MMP26: variants seen among roughly 807,000 people sequenced by gnomAD.
MMP26 encodes the protein matrix metallopeptidase 26.
MMP26 carries 33 observed loss-of-function variants against 31.0 expected under a neutral mutation model. The observed-to-expected ratio is 1.06, with a 90% confidence interval of 0.81 to 1.42. The LOEUF (loss-of-function observed/expected upper bound fraction) is 1.42. Ranked by LOEUF, MMP26 falls within the 40% of genes most tolerant of loss-of-function variation. The pLI is 0.00. For synonymous variants in MMP26, 122 were observed against 114.9 expected (o/e 1.06, Z -0.40); for missense variants, 347 against 316.1 (o/e 1.10, Z -0.74).
At chr11:4,907,542 C>T (rs1490988871) in intron 2 of MMP26, 2 of 1,613,960 alleles carry the variant, frequency 1.2e-6, no homozygotes, top group South Asian at 2.2e-5. Flanking sequence ...CTTCATGAGC[C>T]CATGTATTAT....
intron 2 of MMP26, among the ~76,000 whole-genome samples, chr11:4,939,655 A>T (rs1846181083): frequency 6.6e-6 from 1 of 152,160 alleles, no homozygotes; most frequent in Admixed American, 6.6e-5. Context: ...CTTGGCTCCA[A>T]GGAAAGTATA....
chr11:4,789,360 T>TG (rs560822229), intron 2 of MMP26, among the ~76,000 whole-genome samples: 19 of 152,154 alleles, frequency 1.2e-4, no homozygotes, highest in Middle Eastern at 3.4e-3. Flanking sequence ...AAAGTGATTT[T>TG]GGGGTCTCTG....
At chr11:4,836,144 A>G (rs1040087484) in intron 2 of MMP26, among the ~76,000 whole-genome samples, 16 of 152,086 alleles carry the variant, frequency 1.1e-4, no homozygotes, top group Admixed American at 4.6e-4. Context: ...CTAGAAATCC[A>G]AAGCTTTCGT....
At chr11:4,796,378 A>G (rs930121860) in intron 2 of MMP26, among the ~76,000 whole-genome samples, 1 of 152,210 alleles carries the variant, frequency 6.6e-6, no homozygotes, top group Non-Finnish European at 1.5e-5. Flanking sequence ...CCTGTTCATG[A>G]AGTCAATATA....
At chr11:4,772,406 C>G (rs887290409) in intron 2 of MMP26, among the ~76,000 whole-genome samples, 2 of 138,514 alleles carry the variant, frequency 1.4e-5, no homozygotes, top group Non-Finnish European at 3.3e-5. Context: ...AGAGGGAAAA[C>G]TTTACACCCA....
rs755688723 is a variant in MMP26 at position 4,724,188 on chromosome 11, G to A, written c.-217+19143G>A. Reference sequence around the variant, plus strand: ...TGATGGACATGGTAGAGGCAGGAGTGGAGGCAGGCGATGGGCCTGTGAACC... The same window carrying A: ...TGATGGACATGGTAGAGGCAGGAGTAGAGGCAGGCGATGGGCCTGTGAACC... On this transcript the variant is annotated intron_variant, in intron 1 of 7. Transcript: ENST00000380390. 3.0e-4 allele frequency: 156 copies of A among 521,952 alleles called. 1 individual carries two copies. The highest frequency in any genetic ancestry group is 2.2e-3 in the Middle Eastern group (5 of 2,324). The allele number at this position is 521,952 out of a possible 1,614,324, so 32.3% of individuals were successfully genotyped here.
intron 2 of MMP26, among the ~76,000 whole-genome samples, chr11:4,880,207 C>G (rs984087697): frequency 2.0e-5 from 3 of 152,046 alleles, no homozygotes; most frequent in Non-Finnish European, 2.9e-5. Flanking sequence ...ATAAAGCCCT[C>G]GCTTTTGGAA....
At chr11:4,838,179 G>A (rs1276654699) in intron 2 of MMP26, among the ~76,000 whole-genome samples, 7 of 150,434 alleles carry the variant, frequency 4.7e-5, no homozygotes, top group Admixed American at 2.0e-4. Flanking sequence ...TTAGCCGGGC[G>A]TGGTGGTGGG....
At chr11:4,705,466 T>G (rs1847763015) in intron 1 of MMP26, among the ~76,000 whole-genome samples, 1 of 152,054 alleles carries the variant, frequency 6.6e-6, no homozygotes, top group Admixed American at 6.5e-5. Context: ...CCAATAATGG[T>G]GTTGTGATAG....
At chr11:4,888,749 T>C (rs2133546302) in intron 2 of MMP26, among the ~76,000 whole-genome samples, 1 of 152,282 alleles carries the variant, frequency 6.6e-6, no homozygotes, top group South Asian at 2.1e-4. Flanking sequence ...ACTTATTTCA[T>C]TGTTAAGGAA....
chr11:4,762,016 A>G (rs923362461), intron 1 of MMP26, among the ~76,000 whole-genome samples: 3 of 152,066 alleles, frequency 2.0e-5, no homozygotes, highest in Admixed American at 6.6e-5. Flanking sequence ...GCTTTTCCTC[A>G]AGGATTATAT....
At chr11:4,890,293 G>C (rs971312925) in intron 2 of MMP26, 3 of 154,486 alleles carry the variant, frequency 1.9e-5, no homozygotes, top group South Asian at 3.9e-4. Flanking sequence ...AAGAATTCTT[G>C]AGCAAAGCGA....
chr11:4,816,247 A>T (rs960807150), intron 2 of MMP26, among the ~76,000 whole-genome samples: 1 of 152,074 alleles, frequency 6.6e-6, no homozygotes, highest in Non-Finnish European at 1.5e-5. Flanking sequence ...TACGATTTTG[A>T]TCTTCTCAAA....
Position 4,991,419 on chromosome 11 carries a change from A to G in MMP26, c.518A>G (p.His173Arg), listed in dbSNP as rs1381080193. 1.2e-6 allele frequency: 2 copies of G among 1,614,076 alleles called. No individual in the cohort carries two copies. Among genetic ancestry groups the G allele is most frequent in the Non-Finnish European group, 8.5e-7 (1 of 1,179,916 alleles). Residue 173 changes from histidine to arginine, a missense_variant, in exon 6 of 8, where the codon CAT (histidine) becomes CGT (arginine). Transcript: ENST00000380390. Reference protein sequence around the residue: ...PFDGPGGILGHAFLPNSGNPG... With the variant: ...PFDGPGGILGRAFLPNSGNPG... ...GATGGGCCAGGTGGTATCTTAGGCC[A>G]TGCCTTTTTACCAAATTCTGGAAAT... is the stretch of plus-strand genomic sequence containing the variant.
intron 2 of MMP26, among the ~76,000 whole-genome samples, chr11:4,889,292 C>G (rs1475859066): frequency 6.6e-6 from 1 of 152,030 alleles, no homozygotes; most frequent in East Asian, 1.9e-4. Context: ...TCCCATATAC[C>G]TTAAAGTATC....
Position 4,965,120 on chromosome 11 carries a change from T to A in MMP26, c.-144-22948T>A, listed in dbSNP as rs912530905. Among the ~76,000 whole-genome samples, 4 of 152,276 alleles carry A rather than the reference T, an allele frequency of 2.6e-5. No individual in the cohort carries two copies. In the South Asian group the frequency reaches 8.3e-4, roughly 32 times the overall value. Reference sequence around the variant, plus strand: ...TCCAACAAAGGACTTTCCTGGAGTATCACATTGGAGAATGTTTAATCAGAT... The same window carrying A: ...TCCAACAAAGGACTTTCCTGGAGTAACACATTGGAGAATGTTTAATCAGAT... On this transcript the variant is annotated intron_variant, in intron 2 of 7. Transcript: ENST00000380390.
At chr11:4,722,737 A>G (rs2074645866) in intron 1 of MMP26, 1 of 898,546 alleles carries the variant, frequency 1.1e-6, no homozygotes, top group African/African-American at 1.6e-5. Flanking sequence ...ACAGCTGTTC[A>G]CTTGGGCAGG....
intron 2 of MMP26, chr11:4,859,608 T>C (rs1319300319): frequency 4.6e-6 from 2 of 431,022 alleles, no homozygotes; most frequent in South Asian, 1.8e-5. Flanking sequence ...GATTCCATTC[T>C]ACTAGACCCT....
chr11:4,839,476 T>C (rs550185440), intron 2 of MMP26, among the ~76,000 whole-genome samples: 12 of 151,740 alleles, frequency 7.9e-5, no homozygotes, highest in African/African-American at 2.7e-4. Context: ...GAGGAGCTTG[T>C]CTTGCATCTT....
Sources: allele counts gnomAD v4.1 joint callset (sites outside exome capture counted in the v4.1 genomes callset), GRCh38; gene constraint gnomAD v4.1.1; transcripts MANE v1.5; gene names NCBI Gene and HGNC (gene_info 2026-07-23, HGNC 2026-07-21).